The following STX16 variants were observed in gnomAD, a reference collection of about 807,000 sequenced individuals.
The protein encoded by STX16 is syntaxin-16.
Under a neutral mutation model 42.7 loss-of-function variants are expected in STX16, and 28 were observed. That is an observed-to-expected ratio of 0.66 (90% CI 0.49 to 0.90). STX16 has a LOEUF of 0.90. Ranked by LOEUF, STX16 falls within the 40% of genes least tolerant of loss-of-function variation. STX16 has a pLI of 0.00. For synonymous variants in STX16, 156 were observed against 155.2 expected (o/e 1.00, Z -0.04); for missense variants, 361 against 420.9 (o/e 0.86, Z 1.24).
intron 2 of STX16, among the ~76,000 whole-genome samples, chr20:58,664,177 G>T (rs898845093): frequency 6.6e-6 from 1 of 152,176 alleles, no homozygotes; most frequent in Non-Finnish European, 1.5e-5. Flanking sequence ...AATTAAAAGG[G>T]TGCTTATGTT....
intron 1 of STX16, among the ~76,000 whole-genome samples, chr20:58,656,622 T>G (rs2083592657): frequency 6.6e-6 from 1 of 152,260 alleles, no homozygotes; most frequent in South Asian, 2.1e-4. Flanking sequence ...CTGCCTAATC[T>G]ATACTCTGCT....
At position 58,659,623 on chromosome 20, in the gene STX16, G is replaced by A; in HGVS notation, c.133G>A (p.Glu45Lys). 1 of 1,612,838 alleles carries A rather than the reference G, an allele frequency of 6.2e-7. No individual in the cohort carries two copies. Among genetic ancestry groups the A allele is most frequent in the Non-Finnish European group, 8.5e-7 (1 of 1,179,700 alleles). The stretch of plus-strand genomic sequence containing the variant: ...TGATGGGGACAACATGTCTCTTCAG[G>A]AGCTGGACGAGGTATTGTGTTTTGA... ...SPLHSRSIAAELDELADDRMA... is the reference protein window; with the variant it reads ...SPLHSRSIAAKLDELADDRMA... Residue 45 changes from glutamate to lysine, a missense_variant and splice_region_variant, in exon 2 of 9, where the codon GAG (glutamate) becomes AAG (lysine). By Grantham distance (56) the Glu-to-Lys change is moderately conservative (BLOSUM62 1). Coordinates refer to ENST00000371141, the MANE Select transcript of STX16 (RefSeq NM_001001433.3).
rs1478441359 is a variant in STX16, at chr20:58,651,890, C to T, written c.-117C>T. 5.9e-6 allele frequency: 7 copies of T among 1,183,386 alleles called. No individual in the cohort carries two copies. The highest frequency in any genetic ancestry group is 8.5e-6 in the Non-Finnish European group (7 of 823,604). The allele number at this position is 1,183,386 out of a possible 1,614,324, so 73.3% of individuals were successfully genotyped here. A position where few individuals can be genotyped will look rare whatever the true frequency, so the allele number is the denominator to read the frequency against. ...ATCTTTTTGGCTTGAGGCCTGAGGCCTTGTCGAGAAGCTTCCGTGAAAGGG... is the reference window on the plus strand; with the variant it reads ...ATCTTTTTGGCTTGAGGCCTGAGGCTTTGTCGAGAAGCTTCCGTGAAAGGG... On this transcript the variant is annotated 5_prime_UTR_variant, in exon 1 of 9. Coordinates refer to ENST00000371141, the MANE Select transcript of STX16 (RefSeq NM_001001433.3).
chr20:58,673,500 AC>A (rs1451114323), intron 7 of STX16, 130 bp from the exon 8 acceptor site: 1 of 632,774 alleles, frequency 1.6e-6, no homozygotes, highest in Non-Finnish European at 2.8e-6. Context: ...CTCCGTGTGT[AC>A]CTGCAGCACA....
chr20:58,670,724 C>T, intron 6 of STX16, 121 bp downstream of exon 6: 1 of 809,678 alleles, frequency 1.2e-6, no homozygotes, highest in Non-Finnish European at 2.0e-6. Flanking sequence ...CTTGTATATT[C>T]ATCAGGTTGT....
chr20:58,663,893 G>A (rs2083757966), intron 2 of STX16, among the ~76,000 whole-genome samples: 1 of 152,148 alleles, frequency 6.6e-6, no homozygotes, highest in South Asian at 2.1e-4. Flanking sequence ...GGCTAGGCTG[G>A]TCTTGAACTC....
Position 58,651,505 on chromosome 20 carries a change from C to T in STX16, c.-502C>T, listed in dbSNP as rs891421932. ...AGGCCCCAAGCCTGGCTCCGGTTGT[C>T]CAAAGAGGGCCTAGGCCAGGCCTCT... On this transcript the variant is annotated 5_prime_UTR_variant, in exon 1 of 9. Coordinates refer to ENST00000371141, the MANE Select transcript of STX16 (RefSeq NM_001001433.3). The T allele has an allele frequency of 6.4e-6, 1 of 155,542 alleles. No homozygotes were observed. The highest frequency in any genetic ancestry group is 1.4e-5 in the Non-Finnish European group (1 of 69,896). The allele number at this position is 155,542 out of a possible 1,614,324, so 9.6% of individuals were successfully genotyped here. A position where few individuals can be genotyped will look rare whatever the true frequency, so the allele number is the denominator to read the frequency against.
intron 7 of STX16, among the ~76,000 whole-genome samples, chr20:58,673,219 G>A (rs2084022909): frequency 6.6e-6 from 1 of 152,140 alleles, no homozygotes; most frequent in Non-Finnish European, 1.5e-5. Flanking sequence ...TATGACAGGG[G>A]CGAGCTTACC....
chr20:58,667,954 C>A, intron 3 of STX16, 33 bp from the exon 4 acceptor site: 1 of 1,613,650 alleles, frequency 6.2e-7, no homozygotes, highest in Non-Finnish European at 8.5e-7. Context: ...GCCTGCCTGG[C>A]ATCAGTGGAG....
At position 58,673,714 on chromosome 20, in the gene STX16, A is replaced by G. The variant is rs1161138600; in HGVS notation, c.873+3A>G. The G allele has an allele frequency of 6.2e-7, 1 of 1,603,572 alleles. No homozygotes were observed. Among genetic ancestry groups the G allele is most frequent in the Non-Finnish European group, 8.5e-7 (1 of 1,170,672 alleles). On this transcript the variant is annotated splice_donor_region_variant and intron_variant, in intron 8 of 8. Transcript: ENST00000371141. ...ATGGTTTGAAACAGCTTCACAAGGT[A>G]ATATGTCTTTCAAGACTTGGGAATC... is the stretch of plus-strand genomic sequence containing the variant.
chr20:58,665,285 C>G (rs76091035), intron 2 of STX16, among the ~76,000 whole-genome samples: 12,267 of 152,266 alleles, frequency 0.081, 548 homozygotes, highest in African/African-American at 0.096. Flanking sequence ...CACTCACTGG[C>G]GGCCTGTCCT....
intron 4 of STX16, 58 bp downstream of exon 4, chr20:58,668,185 A>G (rs752791902): frequency 1.3e-6 from 2 of 1,598,108 alleles, no homozygotes; most frequent in Admixed American, 3.5e-5. Flanking sequence ...GCAATCTCAG[A>G]AACTAGAGTG....
chr20:58,658,071 T>C (rs2083618811), intron 1 of STX16, among the ~76,000 whole-genome samples: 1 of 152,252 alleles, frequency 6.6e-6, no homozygotes, highest in South Asian at 2.1e-4. Flanking sequence ...TCACCTCTTA[T>C]CAACTAATAA....
chr20:58,671,477 TTAA>T lies in STX16; in HGVS notation c.792+183_792+185del, dbSNP rs11467781. ...GTGTGTGTGTGTGTGTGTGTGTATATTAATATTAATCAAATATTAAATTTGATT... is the reference window on the plus strand; with the variant it reads ...GTGTGTGTGTGTGTGTGTGTGTATATTATTAATCAAATATTAAATTTGATT... On this transcript the variant is annotated intron_variant, in intron 7 of 8. Transcript: ENST00000371141. 0.51 allele frequency among the ~76,000 whole-genome samples: 75,120 copies of T among 147,498 alleles called. 19,232 individuals carry two copies. Among genetic ancestry groups the T allele is most frequent in the Non-Finnish European group, 0.54 (36,332 of 66,806 alleles).
chr20:58,659,466 T>C (rs2083650389), intron 1 of STX16, among the ~76,000 whole-genome samples, 157 bp from the exon 2 acceptor site: 1 of 152,100 alleles, frequency 6.6e-6, no homozygotes, highest in Non-Finnish European at 1.5e-5. Flanking sequence ...AAAAGGAGAT[T>C]TTAAAATGCC....
intron 5 of STX16, among the ~76,000 whole-genome samples, chr20:58,670,307 A>G (rs1376317716): frequency 6.6e-6 from 1 of 152,204 alleles, no homozygotes; most frequent in Admixed American, 6.5e-5. Flanking sequence ...TTTTGTCTTG[A>G]GTAATCCCAA....
intron 2 of STX16, among the ~76,000 whole-genome samples, chr20:58,664,770 GTCT>G (rs1271065142): frequency 6.6e-6 from 1 of 152,188 alleles, no homozygotes; most frequent in African/African-American, 2.4e-5. Context: ...CCATCTCTCT[GTCT>G]TCTTTAGTTT....
chr20:58,670,615 G>C lies in STX16; in HGVS notation c.648+12G>C, dbSNP rs763999789. ...CTCTTTACCATCGGGTACGTGAACG[G>C]GCTGCAAAGCTGATTGCTGTGTCTG... On this transcript the variant is annotated intron_variant, in intron 6 of 8. Transcript: ENST00000371141. 4 of 1,611,190 alleles carry C rather than the reference G, an allele frequency of 2.5e-6. No individual in the cohort carries two copies. The East Asian group carries it at 6.7e-5, about 27-fold the overall frequency.
chr20:58,673,627 C>A lies in STX16; in HGVS notation c.793-4C>A. 6.2e-7 allele frequency: 1 copy of A among 1,604,662 alleles called. No homozygotes were observed. Among genetic ancestry groups the A allele is most frequent in the Non-Finnish European group, 8.5e-7 (1 of 1,172,272 alleles). ...ATTGTCTGTAACTGTCATTTATTACCTAGGGTACAGTCCTTGACAGAATTG... is the reference window on the plus strand; with the variant it reads ...ATTGTCTGTAACTGTCATTTATTACATAGGGTACAGTCCTTGACAGAATTG... On this transcript the variant is annotated splice_polypyrimidine_tract_variant and splice_region_variant and intron_variant, in intron 7 of 8. Transcript: ENST00000371141.
Sources: gnomAD v4.1 joint callset for allele counts (sites outside exome capture counted in the v4.1 genomes callset) on GRCh38, gnomAD v4.1.1 for gene constraint, MANE v1.5 for transcripts, NCBI Gene and HGNC (gene_info 2026-07-23, HGNC 2026-07-21) for gene names.